Variants in SMG6 observed in about 807,000 individuals in gnomAD.
SMG6 encodes the protein SMG6 nonsense mediated mRNA decay factor, also known as telomerase-binding protein EST1A.
In SMG6, 66 loss-of-function variants were observed where a neutral mutation model predicts 142.2. That is an observed-to-expected ratio of 0.46 (90% CI 0.38 to 0.57). SMG6 has a LOEUF of 0.57. Ranked by LOEUF, SMG6 falls within the 20% of genes least tolerant of loss-of-function variation. The pLI, the probability that SMG6 is intolerant of heterozygous loss-of-function variation, is 0.00. For synonymous variants in SMG6, 779 were observed against 702.4 expected, an observed-to-expected ratio of 1.11 and a Z score of -1.72; for missense variants, 1,793 against 1,832.0, an observed-to-expected ratio of 0.98 and a Z score of 0.39.
intron 6 of SMG6, among the ~76,000 whole-genome samples, chr17:2,289,483 G>A (rs1375476060): frequency 5.3e-5 from 8 of 152,118 alleles, no homozygotes; most frequent in Non-Finnish European, 1.2e-4. Context: ...CTTGAGCCCA[G>A]GAGGTCGAGA....
chr17:2,229,032 A>G (rs1002359112), intron 10 of SMG6, among the ~76,000 whole-genome samples: 1 of 152,202 alleles, frequency 6.6e-6, no homozygotes, highest in Non-Finnish European at 1.5e-5. Context: ...GAGGGATATT[A>G]GACATGATGG....
intron 13 of SMG6, among the ~76,000 whole-genome samples, chr17:2,086,794 C>T (rs1230826987): frequency 6.6e-6 from 1 of 152,142 alleles, no homozygotes; most frequent in African/African-American, 2.4e-5. Context: ...CCATGCTTGC[C>T]CCTGTGTGCC....
chr17:2,085,449 C>A lies in SMG6; in HGVS notation c.3534+276G>T, dbSNP rs2068533487. Among the ~76,000 whole-genome samples, 1 of 152,184 alleles carries A rather than the reference C, an allele frequency of 6.6e-6. No homozygotes were observed. Among genetic ancestry groups the A allele is most frequent in the Non-Finnish European group, 1.5e-5 (1 of 68,040 alleles). On this transcript the variant is annotated intron_variant, in intron 14 of 18. Coordinates refer to ENST00000263073, the MANE Select transcript of SMG6 (RefSeq NM_017575.5). This position sits in a 1 kb window ranked among gnomAD's most constrained non-coding sequence, Gnocchi z 4.1. Reference sequence around the variant, plus strand: ...CTCTCCCTTTCCTAAGCCTCGAGAGCTGCACATTATTCAACTCCTTTCTTT... The same window carrying A: ...CTCTCCCTTTCCTAAGCCTCGAGAGATGCACATTATTCAACTCCTTTCTTT...
At chr17:2,065,868 G>A in intron 16 of SMG6, 189 bp from the exon 17 acceptor site, 1 of 600,052 alleles carries the variant, frequency 1.7e-6, no homozygotes, top group East Asian at 2.8e-5. Context: ...ATTTCACAGG[G>A]CTCTACTCCC....
At chr17:2,191,590 AG>A (rs2072165510) in intron 10 of SMG6, among the ~76,000 whole-genome samples, 1 of 152,200 alleles carries the variant, frequency 6.6e-6, no homozygotes, top group African/African-American at 2.4e-5. Context: ...GACTTGCTTA[AG>A]GGTTTCGGGT....
chr17:2,064,828 C>T (rs1420667762), intron 18 of SMG6, among the ~76,000 whole-genome samples: 3 of 151,642 alleles, frequency 2.0e-5, no homozygotes, highest in Non-Finnish European at 3.0e-5. Flanking sequence ...TGAAGAACCT[C>T]GCGGCCTAGG....
intron 8 of SMG6, among the ~76,000 whole-genome samples, chr17:2,246,722 G>C (rs1357610865): frequency 6.6e-6 from 1 of 152,190 alleles, no homozygotes; most frequent in Non-Finnish European, 1.5e-5. Context: ...ATGGCAGGTG[G>C]ATCAATTGAG....
chr17:2,212,223 C>G (rs557387094), intron 10 of SMG6, among the ~76,000 whole-genome samples: 3 of 152,038 alleles, frequency 2.0e-5, no homozygotes, highest in African/African-American at 7.3e-5. Flanking sequence ...AGCGAAAAGG[C>G]TGGAACTAAC....
intron 10 of SMG6, among the ~76,000 whole-genome samples, chr17:2,206,374 C>T (rs1370373625): frequency 6.6e-6 from 1 of 151,862 alleles, no homozygotes; most frequent in East Asian, 1.9e-4. Context: ...TCACTTGAGT[C>T]CAGCCTGGGC....
At chr17:2,150,274 C>T (rs1449867178) in intron 13 of SMG6, among the ~76,000 whole-genome samples, 1 of 152,230 alleles carries the variant, frequency 6.6e-6, no homozygotes, top group African/African-American at 2.4e-5. Flanking sequence ...GCAAGTGGAA[C>T]AGTTTCATCC....
chr17:2,145,992 A>G (rs2070657110), intron 13 of SMG6, among the ~76,000 whole-genome samples: 1 of 152,168 alleles, frequency 6.6e-6, no homozygotes, highest in African/African-American at 2.4e-5. Flanking sequence ...AAATATTTAA[A>G]ATAAGTAAAA....
At chr17:2,164,713 G>A (rs2071280538) in intron 13 of SMG6, among the ~76,000 whole-genome samples, 1 of 151,944 alleles carries the variant, frequency 6.6e-6, no homozygotes, top group Non-Finnish European at 1.5e-5. Context: ...GAGGCAGGTG[G>A]ATCACCTGAG....
chr17:2,263,322 T>C (rs2074355750), intron 8 of SMG6, among the ~76,000 whole-genome samples: 1 of 152,206 alleles, frequency 6.6e-6, no homozygotes, highest in African/African-American at 2.4e-5. Context: ...TCTAGGTCTC[T>C]TTTTTATGTA....
chr17:2,153,570 C>T (rs142243368), intron 13 of SMG6, among the ~76,000 whole-genome samples: 7 of 152,248 alleles, frequency 4.6e-5, no homozygotes, highest in Middle Eastern at 3.4e-3. Context: ...CCACTCCACG[C>T]GGTGACTGGG....
intron 10 of SMG6, among the ~76,000 whole-genome samples, chr17:2,194,297 G>A (rs748766286): frequency 1.1e-4 from 16 of 152,216 alleles, no homozygotes; most frequent in Non-Finnish European, 2.1e-4. Context: ...AATGTTCTTG[G>A]ATGAAGCAAT....
chr17:2,258,034 A>ATACAC, intron 8 of SMG6, among the ~76,000 whole-genome samples: 1 of 108,232 alleles, frequency 9.2e-6, no homozygotes, highest in South Asian at 2.9e-4. Context: ...AAAAAAAAAA[A>ATACAC]ATATACACAC....
At chr17:2,272,855 G>A (rs542931563) in intron 8 of SMG6, among the ~76,000 whole-genome samples, 1 of 151,818 alleles carries the variant, frequency 6.6e-6, no homozygotes, top group East Asian at 1.9e-4. Context: ...GGAGAATGGC[G>A]TGAACCCAGG....
At chr17:2,289,078 CAAAAAAAAA>C (rs34494754) in intron 6 of SMG6, among the ~76,000 whole-genome samples, 1 of 87,936 alleles carries the variant, frequency 1.1e-5, no homozygotes, top group African/African-American at 4.6e-5. Flanking sequence ...GACTCTGTCT[CAAAAAAAAA>C]AAAAAAAAAA....
intron 10 of SMG6, among the ~76,000 whole-genome samples, chr17:2,196,267 C>A (rs1206134807): frequency 1.3e-5 from 2 of 152,032 alleles, no homozygotes; most frequent in Non-Finnish European, 2.9e-5. Context: ...ACTAAAAATA[C>A]AAAAATTAGC....
Sources: allele counts gnomAD v4.1 joint callset (sites outside exome capture counted in the v4.1 genomes callset), GRCh38; gene constraint gnomAD v4.1.1; non-coding constraint Gnocchi (gnomAD v3.1); transcripts MANE v1.5; gene names NCBI Gene and HGNC (gene_info 2026-07-23, HGNC 2026-07-21).